DLGAP2: variants seen among roughly 807,000 people sequenced by gnomAD.
DLGAP2 encodes disks large-associated protein 2.
A neutral mutation model predicts 100.3 loss-of-function variants in DLGAP2; 26 were observed. The ratio of observed to expected loss-of-function variants is 0.26; its 90% confidence interval spans 0.19 to 0.36. The LOEUF (loss-of-function observed/expected upper bound fraction) is 0.36. DLGAP2 is among the 10% of genes least tolerant of loss of function. DLGAP2 has a pLI of 1.00. For synonymous variants in DLGAP2, 886 were observed against 630.1 expected, an observed-to-expected ratio of 1.41 and a Z score of -6.08; for missense variants, 1,858 against 1,453.2, an observed-to-expected ratio of 1.28 and a Z score of -4.53.
At chr8:1,665,539 T>C (rs369135936) in intron 8 of DLGAP2, among the ~76,000 whole-genome samples, 1 of 152,132 alleles carries the variant, frequency 6.6e-6, no homozygotes, top group African/African-American at 2.4e-5. Context: ...AAGAAAAATA[T>C]AATAAGGCAG....
At chr8:1,335,484 G>A (rs549591953) in intron 3 of DLGAP2, among the ~76,000 whole-genome samples, 1 of 152,338 alleles carries the variant, frequency 6.6e-6, no homozygotes, top group Non-Finnish European at 1.5e-5. Flanking sequence ...GGAGGAATGG[G>A]TAATAATCAC....
intron 2 of DLGAP2, among the ~76,000 whole-genome samples, chr8:913,287 G>T (rs897759127): frequency 6.6e-5 from 10 of 152,132 alleles, no homozygotes; most frequent in African/African-American, 1.9e-4. Context: ...GTTAGGAAAG[G>T]TTCTGTTTGA....
At chr8:976,866 C>G (rs1800177760) in intron 2 of DLGAP2, among the ~76,000 whole-genome samples, 1 of 152,048 alleles carries the variant, frequency 6.6e-6, no homozygotes. Flanking sequence ...ACCTAGGTAA[C>G]TGTAGATTTA....
intron 3 of DLGAP2, among the ~76,000 whole-genome samples, chr8:1,336,372 G>A (rs1459564287): frequency 2.6e-5 from 4 of 152,354 alleles, no homozygotes; most frequent in East Asian, 1.9e-4. Flanking sequence ...AGAGCTGGAG[G>A]AAAAGTGGCG....
At chr8:1,659,449 G>A (rs964659686) in intron 8 of DLGAP2, among the ~76,000 whole-genome samples, 5 of 152,170 alleles carry the variant, frequency 3.3e-5, no homozygotes, top group African/African-American at 7.2e-5. Context: ...GGATGTTAAA[G>A]TCTCCCACTA....
chr8:1,315,202 G>A (rs2117022977), intron 3 of DLGAP2, among the ~76,000 whole-genome samples: 1 of 152,370 alleles, frequency 6.6e-6, no homozygotes, highest in Middle Eastern at 3.4e-3. Flanking sequence ...AAACTCGGCA[G>A]CTTTTAAAAA....
chr8:1,185,327 T>G (rs1167718856), intron 2 of DLGAP2, among the ~76,000 whole-genome samples: 1 of 152,080 alleles, frequency 6.6e-6, no homozygotes, highest in Non-Finnish European at 1.5e-5. Flanking sequence ...AGTGACACCA[T>G]CATTCTGCTG....
At chr8:874,920 C>G (rs1563074262) in intron 1 of DLGAP2, among the ~76,000 whole-genome samples, 1 of 152,074 alleles carries the variant, frequency 6.6e-6, no homozygotes, top group African/African-American at 2.4e-5. Context: ...ATATGTATGT[C>G]TACATATGCA....
chr8:984,069 A>C (rs529497893), intron 2 of DLGAP2, among the ~76,000 whole-genome samples: 1 of 152,292 alleles, frequency 6.6e-6, no homozygotes, highest in African/African-American at 2.4e-5. Flanking sequence ...CCGGTGTCTC[A>C]TGTGTAGCTT....
intron 2 of DLGAP2, among the ~76,000 whole-genome samples, chr8:961,624 A>G (rs1370283111): frequency 6.6e-6 from 1 of 152,230 alleles, no homozygotes; most frequent in Non-Finnish European, 1.5e-5. Context: ...TTTATACACA[A>G]GTATTTCTGA....
chr8:1,118,857 C>T (rs771127616), intron 2 of DLGAP2, among the ~76,000 whole-genome samples: 4 of 152,156 alleles, frequency 2.6e-5, no homozygotes, highest in Admixed American at 6.5e-5. Flanking sequence ...TTTGTTTCCT[C>T]GAAATGACAC....
chr8:1,307,870 G>A (rs1800526473), intron 3 of DLGAP2, among the ~76,000 whole-genome samples: 1 of 152,156 alleles, frequency 6.6e-6, no homozygotes, highest in African/African-American at 2.4e-5. Flanking sequence ...GGCGCTGGAG[G>A]GAAGGAGAAC....
chr8:1,202,247 T>A (rs1440496769), intron 2 of DLGAP2, among the ~76,000 whole-genome samples: 2 of 39,864 alleles, frequency 5.0e-5, no homozygotes, highest in Admixed American at 4.2e-4. Flanking sequence ...ATGCAGTGTG[T>A]GTGTGTGTGT....
At chr8:904,918 A>G (rs142526465) in intron 1 of DLGAP2, among the ~76,000 whole-genome samples, 10 of 152,328 alleles carry the variant, frequency 6.6e-5, no homozygotes, top group African/African-American at 2.2e-4. Flanking sequence ...AGAGGAAGAA[A>G]TAAACCTATT....
At chr8:832,648 G>T (rs1044355621) in intron 1 of DLGAP2, among the ~76,000 whole-genome samples, 2 of 152,190 alleles carry the variant, frequency 1.3e-5, no homozygotes, top group Non-Finnish European at 2.9e-5. Flanking sequence ...CTTTTCTTTT[G>T]CACTGATTTT....
intron 3 of DLGAP2, among the ~76,000 whole-genome samples, chr8:1,296,783 G>A (rs1800188282): frequency 6.6e-6 from 1 of 152,204 alleles, no homozygotes; most frequent in Non-Finnish European, 1.5e-5. Flanking sequence ...TGCCACTGAT[G>A]TGCAGATGGT....
chr8:1,633,552 A>G (rs1015253991), intron 8 of DLGAP2, among the ~76,000 whole-genome samples: 1 of 152,176 alleles, frequency 6.6e-6, no homozygotes, highest in Non-Finnish European at 1.5e-5. Context: ...CAGTCTCGCA[A>G]TTTCCTTTAG....
chr8:972,302 A>T (rs1409108868), intron 2 of DLGAP2, among the ~76,000 whole-genome samples: 1 of 152,262 alleles, frequency 6.6e-6, no homozygotes, highest in Non-Finnish European at 1.5e-5. Context: ...TAATCTGAAG[A>T]CACAAAGCAA....
At chr8:1,658,591 A>G (rs1479891296) in intron 8 of DLGAP2, among the ~76,000 whole-genome samples, 5 of 152,114 alleles carry the variant, frequency 3.3e-5, no homozygotes, top group Non-Finnish European at 4.4e-5. Flanking sequence ...GTGTCCAGGA[A>G]TTTATCCATT....
Sources: allele counts gnomAD v4.1 joint callset (sites outside exome capture counted in the v4.1 genomes callset), GRCh38; gene constraint gnomAD v4.1.1; transcripts MANE v1.5; gene names NCBI Gene and HGNC (gene_info 2026-07-23, HGNC 2026-07-21).